ZBTB11: variants seen among roughly 807,000 people sequenced by gnomAD.
The protein encoded by ZBTB11 is zinc finger and BTB domain-containing protein 11.
Under a neutral mutation model 113.1 loss-of-function variants are expected in ZBTB11, and 68 were observed. The ratio of observed to expected loss-of-function variants is 0.60; its 90% CI spans 0.49 to 0.74. ZBTB11 has a LOEUF of 0.74. Ranked by LOEUF, ZBTB11 falls within the 30% of genes least tolerant of loss-of-function variation. ZBTB11 has a pLI of 0.00. For synonymous variants in ZBTB11, 518 were observed against 452.6 expected (o/e 1.14, Z -1.83); for missense variants, 1,104 against 1,279.4 (o/e 0.86, Z 2.09).
intron 6 of ZBTB11, among the ~76,000 whole-genome samples, chr3:101,656,800 G>A (rs968287563): frequency 1.3e-5 from 2 of 152,084 alleles, no homozygotes; most frequent in East Asian, 1.9e-4. Flanking sequence ...ATATTGAGTA[G>A]TGCCACATGG....
chr3:101,650,214 T>C lies in ZBTB11; in HGVS notation c.*952A>G, dbSNP rs1936675665. On this transcript the variant is annotated 3_prime_UTR_variant, in exon 11 of 11. Coordinates refer to ENST00000312938, the MANE Select transcript of ZBTB11 (RefSeq NM_014415.4). ...GAGCTGCTGTGAATGTCTATATTGCTATCTGATTTCTCAACTGCAGTTTTT... is the reference window on the plus strand; with the variant it reads ...GAGCTGCTGTGAATGTCTATATTGCCATCTGATTTCTCAACTGCAGTTTTT... 6.6e-6 allele frequency: 1 copy of C among 152,204 alleles called. No homozygotes were observed. The highest frequency in any genetic ancestry group is 2.1e-4 in the South Asian group (1 of 4,834). The allele number at this position is 152,204 out of a possible 1,614,324, so 9.4% of individuals were successfully genotyped here.
chr3:101,660,921 T>A (rs1362884793), intron 5 of ZBTB11, among the ~76,000 whole-genome samples: 1 of 152,084 alleles, frequency 6.6e-6, no homozygotes, highest in African/African-American at 2.4e-5. Context: ...ATCCCCTTTT[T>A]GGAAATCTCT....
chr3:101,676,938 C>A lies in ZBTB11; in HGVS notation c.-24G>T. On this transcript the variant is annotated 5_prime_UTR_variant, in exon 1 of 11. Coordinates refer to ENST00000312938, the MANE Select transcript of ZBTB11 (RefSeq NM_014415.4). Reference sequence around the variant, plus strand: ...ATCGCGGACCGCGGCTCCCTGAGGGCGCCTGTCAGGGACAGGTGAGGAAAA... The same window carrying A: ...ATCGCGGACCGCGGCTCCCTGAGGGAGCCTGTCAGGGACAGGTGAGGAAAA... 1 of 1,542,752 alleles carries A rather than the reference C, an allele frequency of 6.5e-7. No homozygotes were observed. Among genetic ancestry groups the A allele is most frequent in the Non-Finnish European group, 8.8e-7 (1 of 1,141,416 alleles).
In ZBTB11 at chr3:101,651,191, A is replaced by G. The variant is rs753351706; in HGVS notation, c.3137T>C (p.Val1046Ala). 18 of 1,600,700 alleles carry G rather than the reference A, an allele frequency of 1.1e-5. No individual in the cohort carries two copies. Among genetic ancestry groups the G allele is most frequent in the African/African-American group, 2.7e-5 (2 of 74,386 alleles). The change falls in exon 11 of 11, where the codon GTA becomes GCA. Residue 1046 changes from valine (V) to alanine (A), a missense_variant. Val to Ala is a moderately conservative substitution (Grantham distance 64). Around this residue, in one of 5 missense-constraint regions of ZBTB11, gnomAD observed 90 missense variants for 98.0 expected, o/e 0.92. Coordinates refer to ENST00000312938, the MANE Select transcript of ZBTB11 (RefSeq NM_014415.4). ...TCATTCTCCTCCTGAAATATGTGCT[A>G]CCTCTACTTTAACAGTTTGAATAGC... Reference protein sequence around the residue: ...AEAIQTVKVEVAHISGGE With the variant: ...AEAIQTVKVEAAHISGGE
At chr3:101,654,342 G>A (rs1020579893) in intron 8 of ZBTB11, among the ~76,000 whole-genome samples, 3 of 152,000 alleles carry the variant, frequency 2.0e-5, no homozygotes, top group Non-Finnish European at 4.4e-5. Flanking sequence ...TGCCTGTCCC[G>A]ATTAATTTTA....
intron 1 of ZBTB11, among the ~76,000 whole-genome samples, chr3:101,674,455 A>G (rs1402174279): frequency 6.6e-6 from 1 of 152,086 alleles, no homozygotes; most frequent in Non-Finnish European, 1.5e-5. Context: ...TTACACCCGT[A>G]ATCCCAGCGC....
intron 6 of ZBTB11, 125 bp downstream of exon 6, chr3:101,659,658 T>C: frequency 8.3e-7 from 1 of 1,201,816 alleles, no homozygotes; most frequent in Non-Finnish European, 1.2e-6. Flanking sequence ...AATAAAGAAG[T>C]CATAAATTTA....
Position 101,654,787 on chromosome 3 carries a change from C to T in ZBTB11, c.2226G>A (p.Lys742=). 7 of 1,614,156 alleles carry T rather than the reference C, an allele frequency of 4.3e-6. No individual in the cohort carries two copies. The highest frequency in any genetic ancestry group is 5.1e-6 in the Non-Finnish European group (6 of 1,180,004). The change falls in exon 8 of 11, where the codon AAG becomes AAA. Residue 742 remains lysine, a synonymous_variant. Coordinates refer to ENST00000312938, the MANE Select transcript of ZBTB11 (RefSeq NM_014415.4). Reference sequence around the variant, plus strand: ...TGAGTCCAGAGCCCCTATGAAAAGACTTTCCACAAACTGAGCAAAGGTACT... The same window carrying T: ...TGAGTCCAGAGCCCCTATGAAAAGATTTTCCACAAACTGAGCAAAGGTACT... ...ESKYLCSVCG[K]SFHRGSGLSK... is the part of the protein sequence containing the mutation.
Position 101,676,774 on chromosome 3 carries a change from C to T in ZBTB11, c.141G>A (p.Leu47=), listed in dbSNP as rs763710674. 9 of 1,610,774 alleles carry T rather than the reference C, an allele frequency of 5.6e-6. No homozygotes were observed. The South Asian group carries it at 8.8e-5, about 16-fold the overall frequency. ...AACYVVRGGT[L]YYQRRQRHRK... is the part of the protein sequence containing the mutation. ...GGTGCCGCTGCCGCCGCTGGTAATA[C>T]AGAGTCCCGCCGCGCACCACGTAGC... Residue 47 remains leucine (L), a synonymous_variant, in exon 1 of 11, where the codon CTG becomes CTA. Transcript: ENST00000312938.
chr3:101,662,810 G>A (rs1201756285), intron 5 of ZBTB11, among the ~76,000 whole-genome samples: 1 of 151,840 alleles, frequency 6.6e-6, no homozygotes, highest in Admixed American at 6.6e-5. Context: ...CATGCAGGCT[G>A]GGGTGCAGTA....
chr3:101,664,425 ACT>A, intron 5 of ZBTB11, 111 bp downstream of exon 5: 1 of 1,001,594 alleles, frequency 1.0e-6, no homozygotes, highest in Non-Finnish European at 1.4e-6. Context: ...TAAGAAGATG[ACT>A]CTTATAGCCA....
chr3:101,670,138 C>G (rs1937065169), intron 3 of ZBTB11, among the ~76,000 whole-genome samples: 1 of 152,116 alleles, frequency 6.6e-6, no homozygotes, highest in South Asian at 2.1e-4. Context: ...GTTATTATTG[C>G]TTTCTATAAA....
At chr3:101,661,656 T>C (rs912887794) in intron 5 of ZBTB11, among the ~76,000 whole-genome samples, 4 of 152,242 alleles carry the variant, frequency 2.6e-5, no homozygotes, top group African/African-American at 9.6e-5. Flanking sequence ...ACTGACAATG[T>C]TATTGTTTGT....
intron 5 of ZBTB11, chr3:101,662,186 T>C (rs1379556306): frequency 6.6e-6 from 1 of 152,128 alleles, no homozygotes; most frequent in Admixed American, 6.5e-5. Context: ...TAAAAATTTT[T>C]TTTTTTGTAG....
In ZBTB11 at chr3:101,664,525, T is replaced by C. The variant is rs374083511; in HGVS notation, c.1800+13A>G. On this transcript the variant is annotated intron_variant, in intron 5 of 10. Coordinates refer to ENST00000312938, the MANE Select transcript of ZBTB11 (RefSeq NM_014415.4). ...AATTAGAGTTACCTTCAATTAGCTT[T>C]CCAAATACTTACTGGACATTTGTAA... 105 of 1,591,296 alleles carry C rather than the reference T, an allele frequency of 6.6e-5. 3 individuals are homozygous for C. The African/African-American group carries it at 7.9e-4, about 12-fold the overall frequency.
Position 101,652,795 on chromosome 3 carries a change from A to G in ZBTB11, c.2453T>C (p.Val818Ala). 6.2e-7 allele frequency: 1 copy of G among 1,613,576 alleles called. No homozygotes were observed. The highest frequency in any genetic ancestry group is 8.5e-7 in the Non-Finnish European group (1 of 1,179,890). ...DWYSHVKSHS[V>A]TEPYRCNICG... ...ATTTACTCACCTATAAGGCTCAGTG[A>G]CAGAATGAGACTTCACATGGGAATA... The change falls in exon 9 of 11, where the codon GTC becomes GCC. Residue 818 changes from valine to alanine, a missense_variant. Val to Ala is a moderately conservative substitution (Grantham distance 64). Coordinates refer to ENST00000312938, the MANE Select transcript of ZBTB11 (RefSeq NM_014415.4).
Position 101,672,346 on chromosome 3 carries a change from T to C in ZBTB11, c.311-133A>G. The C allele has an allele frequency of 8.4e-6, 5 of 597,582 alleles. No homozygotes were observed. In the South Asian group the frequency reaches 1.0e-4, roughly 12 times the overall value. The allele number at this position is 597,582 out of a possible 1,614,324, so 37.0% of individuals were successfully genotyped here. On this transcript the variant is annotated intron_variant, in intron 1 of 10. Coordinates refer to ENST00000312938, the MANE Select transcript of ZBTB11 (RefSeq NM_014415.4). ...CATGTCCCATAAAATATGTAGAGTT[T>C]ATTAGAATGTAAAATATACTTTTTT...
chr3:101,659,533 A>AC (rs1936851898), intron 6 of ZBTB11, among the ~76,000 whole-genome samples: 1 of 152,182 alleles, frequency 6.6e-6, no homozygotes. Context: ...GTTATTTTTC[A>AC]CCCTATACAT....
At chr3:101,661,976 T>C (rs1936895444) in intron 5 of ZBTB11, 1 of 152,028 alleles carries the variant, frequency 6.6e-6, no homozygotes. Flanking sequence ...ATTTTTTATA[T>C]GGTATTATAT....
Sources: allele counts gnomAD v4.1 joint callset (sites outside exome capture counted in the v4.1 genomes callset), GRCh38; gene constraint gnomAD v4.1.1; regional missense constraint gnomAD v4.1.1; transcripts MANE v1.5; gene names NCBI Gene and HGNC (gene_info 2026-07-23, HGNC 2026-07-21).